Variants in ZNF746 observed in about 807,000 individuals in gnomAD.
ZNF746 encodes zinc finger protein 746.
A neutral mutation model predicts 41.0 loss-of-function variants in ZNF746; 13 were observed. That is an observed-to-expected ratio of 0.32 (90% CI 0.21 to 0.50). The LOEUF is 0.50. Among genes scored for constraint, ZNF746 ranks in the 20% least tolerant of loss-of-function variants. ZNF746 has a pLI of 0.98. For synonymous variants in ZNF746, 424 were observed against 396.2 expected, an observed-to-expected ratio of 1.07 and a Z score of -0.83; for missense variants, 811 against 922.9, an observed-to-expected ratio of 0.88 and a Z score of 1.57.
Position 149,474,412 on chromosome 7 carries a change from A to C in ZNF746, c.1955T>G (p.Leu652Arg). The change falls in exon 7 of 7, where the codon CTG becomes CGG. Residue 652 changes from leucine (L) to arginine (R), a missense_variant. By Grantham distance (102) the Leu-to-Arg change is moderately radical. Around this residue, in one of 4 missense-constraint regions of ZNF746, gnomAD observed 99 missense variants for 80.3 expected, o/e 1.23. Transcript: ENST00000458143. This position sits in a 1 kb window ranked among gnomAD's most constrained non-coding sequence, Gnocchi z 6.3. Reference sequence around the variant, plus strand: ...CATGTCCCCGCCATCGGTGGGTCCCAGGACGCTGAGGCCACAAGTCCAGTC... The same window carrying C: ...CATGTCCCCGCCATCGGTGGGTCCCCGGACGCTGAGGCCACAAGTCCAGTC... ...VTDWTCGLSV[L>R]GPTDGGDM The C allele has an allele frequency of 6.2e-7, 1 of 1,609,942 alleles. No individual in the cohort carries two copies. Among genetic ancestry groups the C allele is most frequent in the Non-Finnish European group, 8.5e-7 (1 of 1,178,364 alleles).
In ZNF746 at chr7:149,497,242, G is replaced by A. The variant is rs1276849308; in HGVS notation, c.24+271C>T. On this transcript the variant is annotated intron_variant, in intron 1 of 6. Coordinates refer to ENST00000458143, the MANE Select transcript of ZNF746 (RefSeq NM_001394198.1). This position sits in a 1 kb window ranked among gnomAD's most constrained non-coding sequence, Gnocchi z 4.2. ...GGGACAGCGGCTGGGGCGGGGGCAG[G>A]AAGCCCCGGAGGGCCCAAAGAACTT... 1 of 983,060 alleles carries A rather than the reference G, an allele frequency of 1.0e-6. No individual in the cohort carries two copies. Among genetic ancestry groups the A allele is most frequent in the African/African-American group, 1.7e-5 (1 of 57,186 alleles). 60.9% of individuals were successfully genotyped at this position (983,060 alleles called of 1,614,324 possible).
intron 4 of ZNF746, 70 bp downstream of exon 4, chr7:149,492,789 C>A: frequency 9.3e-7 from 1 of 1,078,448 alleles, no homozygotes; most frequent in East Asian, 2.5e-5. Context: ...AGATCACACC[C>A]TTTCTGGCCT....
At chr7:149,486,478 A>G (rs888602057) in intron 4 of ZNF746, among the ~76,000 whole-genome samples, 1 of 152,210 alleles carries the variant, frequency 6.6e-6, no homozygotes, top group Non-Finnish European at 1.5e-5. Context: ...GAATAAATAC[A>G]TTGTATTATG....
intron 4 of ZNF746, chr7:149,489,376 A>T (rs1800728788): frequency 1.3e-5 from 2 of 152,164 alleles, no homozygotes; most frequent in Admixed American, 6.5e-5. Context: ...ACAGGTAAAA[A>T]TTTTTATACT....
In ZNF746 at chr7:149,474,435, G is replaced by C; in HGVS notation, c.1932C>G (p.Asp644Glu). ...GPLASTDLVT[D>E]WTCGLSVLGP... ...CCAGGACGCTGAGGCCACAAGTCCAGTCGGTCACAAGGTCTGTGGAGGCCA... is the reference window on the plus strand; with the variant it reads ...CCAGGACGCTGAGGCCACAAGTCCACTCGGTCACAAGGTCTGTGGAGGCCA... Residue 644 changes from aspartate (D) to glutamate (E), a missense_variant, in exon 7 of 7, where the codon GAC (aspartate) becomes GAG (glutamate). Physicochemically the swap from Asp to Glu is conservative, Grantham distance 45 (BLOSUM62 2). Coordinates refer to ENST00000458143, the MANE Select transcript of ZNF746 (RefSeq NM_001394198.1). This position sits in a 1 kb window ranked among gnomAD's most constrained non-coding sequence, Gnocchi z 6.3. 6.2e-7 allele frequency: 1 copy of C among 1,611,462 alleles called. No homozygotes were observed. The highest frequency in any genetic ancestry group is 8.5e-7 in the Non-Finnish European group (1 of 1,178,944).
intron 6 of ZNF746, 133 bp downstream of exon 6, chr7:149,476,789 A>C: frequency 2.4e-6 from 3 of 1,229,780 alleles, no homozygotes; most frequent in South Asian, 2.5e-5. Context: ...GCAAAGGGTC[A>C]TAAGAGTGCA....
chr7:149,477,144 C>T, intron 5 of ZNF746, 97 bp from the exon 6 acceptor site: 1 of 1,429,550 alleles, frequency 7.0e-7, no homozygotes, highest in South Asian at 1.4e-5. Context: ...TGAGGTCCCC[C>T]CACTGGGGGC....
Position 149,492,065 on chromosome 7 carries a change from T to C in ZNF746, c.565+794A>G. The C allele has an allele frequency of 4.3e-6, 3 of 694,324 alleles. No individual in the cohort carries two copies. In the Admixed American group the frequency reaches 6.1e-5, roughly 14 times the overall value. The allele number at this position is 694,324 out of a possible 1,614,324, so 43.0% of individuals were successfully genotyped here. A position where few individuals can be genotyped will look rare whatever the true frequency, so the allele number is the denominator to read the frequency against. On this transcript the variant is annotated intron_variant, in intron 4 of 6. Coordinates refer to ENST00000458143, the MANE Select transcript of ZNF746 (RefSeq NM_001394198.1). Reference sequence around the variant, plus strand: ...CAACTGCTACTGGTTTAAATTAAGGTTGGTTCTTGGAGGCAAGGCTGACTC... The same window carrying C: ...CAACTGCTACTGGTTTAAATTAAGGCTGGTTCTTGGAGGCAAGGCTGACTC...
intron 1 of ZNF746, among the ~76,000 whole-genome samples, chr7:149,495,323 C>T (rs1269431936): frequency 1.3e-5 from 2 of 152,210 alleles, no homozygotes; most frequent in Non-Finnish European, 2.9e-5. Context: ...GTACCAGGAG[C>T]AGTGACATAC....
In ZNF746 at chr7:149,492,984, CAGA is replaced by C. The variant is rs1800860352; in HGVS notation, c.452-15_452-13del. ...GGAGATGGCGTAGTCTGAGGAAAGA[CAGA>C]AGGTTAGTTTTTGCCACGTTCCAGT... On this transcript the variant is annotated splice_polypyrimidine_tract_variant and intron_variant, in intron 3 of 6. Coordinates refer to ENST00000458143, the MANE Select transcript of ZNF746 (RefSeq NM_001394198.1). The C allele has an allele frequency of 6.3e-7, 1 of 1,598,730 alleles. No individual in the cohort carries two copies.
chr7:149,492,151 T>G (rs1307884416), intron 4 of ZNF746, among the ~76,000 whole-genome samples: 1 of 152,228 alleles, frequency 6.6e-6, no homozygotes, highest in Non-Finnish European at 1.5e-5. Flanking sequence ...CAACATGGGT[T>G]TGAACTATGC....
intron 5 of ZNF746, 129 bp downstream of exon 5, chr7:149,477,435 G>T: frequency 8.6e-7 from 1 of 1,159,556 alleles, no homozygotes; most frequent in Non-Finnish European, 1.2e-6. Flanking sequence ...CTCGAGACGG[G>T]AAAATTTCTA....
In ZNF746 at chr7:149,492,938, C is replaced by A. The variant is rs1234740616; in HGVS notation, c.486G>T (p.Gln162His). 2 of 1,614,000 alleles carry A rather than the reference C, an allele frequency of 1.2e-6. No homozygotes were observed. Among genetic ancestry groups the A allele is most frequent in the African/African-American group, 2.7e-5 (2 of 74,916 alleles). The change falls in exon 4 of 7, where the codon CAG (glutamine) becomes CAT (histidine). Residue 162 changes from glutamine to histidine, a missense_variant. Gln to His is a conservative substitution (Grantham distance 24). Transcript: ENST00000458143. Reference protein sequence around the residue: ...YAISKPEVLSQIEQGKEPCNW... With the variant: ...YAISKPEVLSHIEQGKEPCNW... ...TGCAGGGCTCCTTCCCTTGTTCAAT[C>A]TGGGAGAGGACCTCGGGCTTGGAGA...
chr7:149,497,087 G>T lies in ZNF746; in HGVS notation c.24+426C>A, dbSNP rs75047465. On this transcript the variant is annotated intron_variant, in intron 1 of 6. Coordinates refer to ENST00000458143, the MANE Select transcript of ZNF746 (RefSeq NM_001394198.1). The surrounding 1 kb of genome is among the most constrained non-coding windows in gnomAD (Gnocchi z 4.2). ...GGAAGCTGGGCACGTAGTGGGAGTC[G>T]GTGTATGCGGATTCGAAGCCGGACA... The T allele has an allele frequency of 6.0e-3, 5,870 of 985,322 alleles. 214 individuals carry two copies. In the East Asian group the frequency reaches 0.19, roughly 32 times the overall value. 61.0% of individuals were successfully genotyped at this position (985,322 alleles called of 1,614,324 possible).
rs567209446 is a variant in ZNF746, at chr7:149,496,140, C to G, written c.24+1373G>C. 1.3e-5 allele frequency among the ~76,000 whole-genome samples: 2 copies of G among 152,332 alleles called. 1 individual carries two copies. Among genetic ancestry groups the G allele is most frequent in the South Asian group, 4.1e-4 (2 of 4,828 alleles). On this transcript the variant is annotated intron_variant, in intron 1 of 6. Coordinates refer to ENST00000458143, the MANE Select transcript of ZNF746 (RefSeq NM_001394198.1). ...TGAAATCCTACCCATCCTCCACGTG[C>G]ATTATTATGGGCTTTGTGTGGCATG... is the stretch of plus-strand genomic sequence containing the variant.
intron 4 of ZNF746, chr7:149,488,430 C>T (rs1280989125): frequency 2.6e-5 from 4 of 152,056 alleles, no homozygotes; most frequent in Non-Finnish European, 5.9e-5. Context: ...CATACAAGAA[C>T]TACAACGTTA....
At chr7:149,476,779 G>T in intron 6 of ZNF746, 143 bp downstream of exon 6, 1 of 1,113,436 alleles carries the variant, frequency 9.0e-7, no homozygotes, top group Non-Finnish European at 1.3e-6. Flanking sequence ...AACAGAATGT[G>T]CAAAGGGTCA....
rs763269311 is a variant in ZNF746 at position 149,493,519 on chromosome 7, A to T, written c.451+470T>A. 1.1e-3 allele frequency among the ~76,000 whole-genome samples: 164 copies of T among 152,234 alleles called. 5 individuals are homozygous for T. The highest frequency in any genetic ancestry group is 2.1e-4 in the Non-Finnish European group (14 of 68,034). On this transcript the variant is annotated intron_variant, in intron 3 of 6. Transcript: ENST00000458143. ...AGAAGAGCAGTAGCCCCAGGGGCTG[A>T]GGGAAGCAAAGTTTTGAGGCATGAA...
At position 149,474,234 on chromosome 7, in the gene ZNF746, G is replaced by T; in HGVS notation, c.*150C>A. ...GAGGTGGCAGCTGTCCTGGTGGATA[G>T]TTTCTCTTTCTCCAGTGATCATCAG... On this transcript the variant is annotated 3_prime_UTR_variant, in exon 7 of 7. Transcript: ENST00000458143. The surrounding 1 kb of genome is among the most constrained non-coding windows in gnomAD (Gnocchi z 6.3). 1 of 882,516 alleles carries T rather than the reference G, an allele frequency of 1.1e-6. No individual in the cohort carries two copies. Among genetic ancestry groups the T allele is most frequent in the Non-Finnish European group, 1.7e-6 (1 of 589,158 alleles). 54.7% of individuals were successfully genotyped at this position (882,516 alleles called of 1,614,324 possible). A position where few individuals can be genotyped will look rare whatever the true frequency, so the allele number is the denominator to read the frequency against.
Sources: allele counts gnomAD v4.1 joint callset (sites outside exome capture counted in the v4.1 genomes callset), GRCh38; gene constraint gnomAD v4.1.1; regional missense constraint gnomAD v4.1.1; non-coding constraint Gnocchi (gnomAD v3.1); transcripts MANE v1.5; gene names NCBI Gene and HGNC (gene_info 2026-07-23, HGNC 2026-07-21).